SYT9: variants seen among roughly 807,000 people sequenced by gnomAD.
SYT9 encodes the protein synaptotagmin 9, also known as synaptotagmin-9.
Under a neutral mutation model 48.4 loss-of-function variants are expected in SYT9, and 22 were observed. The ratio of observed to expected loss-of-function variants is 0.45; its 90% CI spans 0.32 to 0.65. The LOEUF is 0.65. SYT9 is among the 30% of genes least tolerant of loss of function. The pLI is 0.03. For missense variants in SYT9, 577 were observed against 622.0 expected (o/e 0.93, Z 0.77); for synonymous variants, 265 against 245.0 (o/e 1.08, Z -0.76).
chr11:7,458,586 A>G (rs943076036), intron 6 of SYT9, among the ~76,000 whole-genome samples: 1 of 152,186 alleles, frequency 6.6e-6, no homozygotes, highest in African/African-American at 2.4e-5. Flanking sequence ...AATGGAGGTA[A>G]TTGTAGGGCT....
chr11:7,407,982 T>A (rs900472870), intron 3 of SYT9, among the ~76,000 whole-genome samples: 5 of 152,248 alleles, frequency 3.3e-5, no homozygotes, highest in African/African-American at 1.2e-4. Context: ...CATTGTCGTT[T>A]TTGTTCAGAA....
chr11:7,370,783 A>G (rs1850347740), intron 3 of SYT9, among the ~76,000 whole-genome samples: 1 of 152,204 alleles, frequency 6.6e-6, no homozygotes, highest in Non-Finnish European at 1.5e-5. Context: ...GTTGTCCTCA[A>G]ACAGACATTA....
chr11:7,417,708 T>C (rs1010215217), intron 4 of SYT9, among the ~76,000 whole-genome samples: 1 of 152,170 alleles, frequency 6.6e-6, no homozygotes, highest in Non-Finnish European at 1.5e-5. Context: ...TAACAGATGT[T>C]TTCAAACTAT....
chr11:7,381,805 C>T (rs1005177414), intron 3 of SYT9, among the ~76,000 whole-genome samples: 1 of 152,168 alleles, frequency 6.6e-6, no homozygotes, highest in African/African-American at 2.4e-5. Flanking sequence ...TCATTAAATT[C>T]TTCTTTGTGT....
intron 3 of SYT9, among the ~76,000 whole-genome samples, chr11:7,391,735 TAAAAA>T (rs71059104): frequency 2.8e-4 from 10 of 35,944 alleles, no homozygotes; most frequent in South Asian, 2.1e-3. Context: ...ACCCCATCTC[TAAAAA>T]AAAAAAAAAA....
At chr11:7,439,465 A>G (rs12286154) in intron 6 of SYT9, 11,203 of 152,390 alleles carry the variant, frequency 0.074, 620 homozygotes, top group Non-Finnish European at 0.12. Context: ...GAACACTGGG[A>G]CACACCTGCC....
At chr11:7,357,142 C>T (rs186020544) in intron 3 of SYT9, among the ~76,000 whole-genome samples, 78 of 152,170 alleles carry the variant, frequency 5.1e-4, no homozygotes, top group Admixed American at 3.7e-3. Context: ...AAGAGAATTT[C>T]GTGATGAAAA....
At chr11:7,419,236 A>C (rs1284561837) in intron 5 of SYT9, among the ~76,000 whole-genome samples, 1 of 152,246 alleles carries the variant, frequency 6.6e-6, no homozygotes, top group African/African-American at 2.4e-5. Flanking sequence ...AGTTTCCTGC[A>C]TGGACAAATC....
At chr11:7,334,217 C>A (rs1444160680) in intron 3 of SYT9, among the ~76,000 whole-genome samples, 3 of 149,362 alleles carry the variant, frequency 2.0e-5, no homozygotes, top group Non-Finnish European at 4.5e-5. Flanking sequence ...GAGACCAGAA[C>A]TCAGGAAGGA....
chr11:7,421,715 A>G (rs531462546), intron 6 of SYT9, among the ~76,000 whole-genome samples: 4 of 152,208 alleles, frequency 2.6e-5, no homozygotes, highest in African/African-American at 9.6e-5. Context: ...CCTAAGTAAC[A>G]TGTCTGAGGG....
At chr11:7,266,256 C>T (rs556392596) in intron 1 of SYT9, among the ~76,000 whole-genome samples, 4 of 152,032 alleles carry the variant, frequency 2.6e-5, no homozygotes, top group African/African-American at 4.8e-5. Flanking sequence ...TGTAATATCC[C>T]GAATTTATAG....
intron 6 of SYT9, among the ~76,000 whole-genome samples, chr11:7,420,956 C>T (rs1397199502): frequency 6.6e-6 from 1 of 152,106 alleles, no homozygotes; most frequent in African/African-American, 2.4e-5. Context: ...TGAGTGGGGA[C>T]TTTCAGGCCT....
intron 3 of SYT9, among the ~76,000 whole-genome samples, chr11:7,409,013 T>G (rs1048109623): frequency 1.3e-5 from 2 of 152,192 alleles, no homozygotes; most frequent in Admixed American, 6.5e-5. Context: ...CATACTAACA[T>G]TCAGTATGAT....
chr11:7,328,103 TA>T (rs1564863945), intron 3 of SYT9, among the ~76,000 whole-genome samples: 1 of 149,796 alleles, frequency 6.7e-6, no homozygotes, highest in Admixed American at 6.6e-5. Flanking sequence ...ATAATAATTT[TA>T]AAAAAAATTT....
At chr11:7,441,333 G>A (rs1397497444) in intron 6 of SYT9, 1 of 152,186 alleles carries the variant, frequency 6.6e-6, no homozygotes, top group Non-Finnish European at 1.5e-5. Flanking sequence ...TGGTGAGGGA[G>A]AAACCCACTG....
chr11:7,387,215 G>A (rs936807782), intron 3 of SYT9, among the ~76,000 whole-genome samples: 2 of 151,926 alleles, frequency 1.3e-5, no homozygotes, highest in African/African-American at 4.8e-5. Context: ...GTTAAATGAC[G>A]AGTTAATGGG....
intron 5 of SYT9, 152 bp downstream of exon 5, chr11:7,418,280 T>A: frequency 1.3e-6 from 1 of 793,530 alleles, no homozygotes; most frequent in Non-Finnish European, 2.0e-6. Flanking sequence ...TTGACAGGAG[T>A]CACCTCTAAA....
intron 1 of SYT9, among the ~76,000 whole-genome samples, chr11:7,246,703 C>T (rs923840233): frequency 6.6e-6 from 1 of 152,160 alleles, no homozygotes; most frequent in Non-Finnish European, 1.5e-5. Context: ...TTAAAACAAC[C>T]ACCATTTTAT....
intron 6 of SYT9, among the ~76,000 whole-genome samples, chr11:7,430,715 A>G (rs1219726629): frequency 6.6e-6 from 1 of 152,036 alleles, no homozygotes; most frequent in Non-Finnish European, 1.5e-5. Context: ...TGGTCATTTA[A>G]AAGTGTGTGG....
Sources: gnomAD v4.1 joint callset for allele counts (sites outside exome capture counted in the v4.1 genomes callset) on GRCh38, gnomAD v4.1.1 for gene constraint, MANE v1.5 for transcripts, NCBI Gene and HGNC (gene_info 2026-07-23, HGNC 2026-07-21) for gene names.